Variants in NR2C1 observed in about 807,000 individuals in gnomAD.
NR2C1 encodes the protein nuclear receptor subfamily 2 group C member 1.
NR2C1 carries 33 observed loss-of-function variants against 74.8 expected under a neutral mutation model. The ratio of observed to expected loss-of-function variants is 0.44; its 90% CI spans 0.33 to 0.59. The LOEUF (loss-of-function observed/expected upper bound fraction) is 0.59. Ranked by LOEUF, NR2C1 falls within the 20% of genes least tolerant of loss-of-function variation. The pLI, the probability that NR2C1 is intolerant of heterozygous loss-of-function variation, is 0.02. For synonymous variants in NR2C1, 225 were observed against 240.6 expected (o/e 0.94, Z 0.60); for missense variants, 568 against 715.6 (o/e 0.79, Z 2.35).
intron 8 of NR2C1, among the ~76,000 whole-genome samples, chr12:95,051,507 T>G (rs962675092): frequency 6.6e-6 from 1 of 152,164 alleles, no homozygotes; most frequent in Non-Finnish European, 1.5e-5. Flanking sequence ...TTCTTTGTGG[T>G]GTAAAGATAT....
chr12:95,071,585 T>A (rs929429217), intron 1 of NR2C1, among the ~76,000 whole-genome samples: 2 of 152,162 alleles, frequency 1.3e-5, no homozygotes, highest in East Asian at 1.9e-4. Flanking sequence ...TAATTCCAGC[T>A]ACTCAACAGG....
chr12:95,029,421 AATT>A (rs1472861117), intron 11 of NR2C1, among the ~76,000 whole-genome samples: 1 of 152,120 alleles, frequency 6.6e-6, no homozygotes, highest in Non-Finnish European at 1.5e-5. Context: ...TTAAAAAATG[AATT>A]ATTTTCTCAT....
At chr12:95,040,687 A>T in intron 9 of NR2C1, 90 bp from the exon 10 acceptor site, 1 of 1,203,988 alleles carries the variant, frequency 8.3e-7, no homozygotes, top group Non-Finnish European at 1.2e-6. Context: ...GTAACACATC[A>T]AATGAGAGCT....
At chr12:95,024,492 TAAAAA>T (rs754193518) in intron 13 of NR2C1, among the ~76,000 whole-genome samples, 1 of 152,214 alleles carries the variant, frequency 6.6e-6, no homozygotes, top group Admixed American at 6.5e-5. Flanking sequence ...GTGGCTCTTA[TAAAAA>T]AAGAATTTTT....
chr12:95,025,288 T>G (rs780763659), intron 12 of NR2C1, 33 bp from the exon 13 acceptor site: 1 of 1,091,882 alleles, frequency 9.2e-7, no homozygotes, highest in South Asian at 1.3e-5. Context: ...GGTACCCTAG[T>G]TCTGAATGTT....
chr12:95,050,836 G>A (rs1444932720), intron 8 of NR2C1, among the ~76,000 whole-genome samples: 1 of 152,002 alleles, frequency 6.6e-6, no homozygotes, highest in Non-Finnish European at 1.5e-5. Flanking sequence ...ACAGAATTCT[G>A]ATACTACTTT....
At chr12:95,064,209 A>G (rs1318609927) in intron 2 of NR2C1, among the ~76,000 whole-genome samples, 1 of 151,382 alleles carries the variant, frequency 6.6e-6, no homozygotes, top group Admixed American at 6.6e-5. Context: ...TGTGCCTGTA[A>G]TCCGAGCTAT....
intron 11 of NR2C1, among the ~76,000 whole-genome samples, chr12:95,029,205 C>T (rs1357955048): frequency 6.6e-6 from 1 of 151,970 alleles, no homozygotes; most frequent in Non-Finnish European, 1.5e-5. Flanking sequence ...CCTCAGCCTC[C>T]TGAGTAGTTG....
Position 95,062,694 on chromosome 12 carries a change from T to C in NR2C1, c.99A>G (p.Thr33=). The change falls in exon 3 of 14, where the codon ACA becomes ACG. Residue 33 remains threonine (T), a synonymous_variant. Coordinates refer to ENST00000333003, the MANE Select transcript of NR2C1 (RefSeq NM_003297.4). The part of the protein sequence containing the change: ...QQTGQKIQIV[T]ALDHNTQGKQ... ...TGCCTTGGGTATTATGATCAAGTGC[T>C]GTCACAATCTGGATTTTCTGCCCAG... is the stretch of plus-strand genomic sequence containing the variant. 1 of 1,614,196 alleles carries C rather than the reference T, an allele frequency of 6.2e-7. No homozygotes were observed. Among genetic ancestry groups the C allele is most frequent in the Non-Finnish European group, 8.5e-7 (1 of 1,180,012 alleles).
intron 11 of NR2C1, chr12:95,030,599 T>C (rs778926641): frequency 3.7e-6 from 6 of 1,613,416 alleles, no homozygotes; most frequent in East Asian, 2.2e-5. Flanking sequence ...AGATCTATTT[T>C]TGATGACATT....
chr12:95,040,385 T>C, intron 10 of NR2C1, 91 bp downstream of exon 10: 1 of 1,281,702 alleles, frequency 7.8e-7, no homozygotes, highest in South Asian at 1.7e-5. Context: ...GTTTTTTCCT[T>C]TAATGCAAAT....
intron 10 of NR2C1, among the ~76,000 whole-genome samples, chr12:95,033,427 AAAAC>A (rs1419017482): frequency 5.9e-5 from 9 of 152,176 alleles, no homozygotes; most frequent in Admixed American, 2.6e-4. Flanking sequence ...GCAGAGAATT[AAAAC>A]AAACAAACAC....
chr12:95,024,580 A>G (rs1869129626), intron 13 of NR2C1, among the ~76,000 whole-genome samples: 1 of 152,298 alleles, frequency 6.6e-6, no homozygotes, highest in South Asian at 2.1e-4. Flanking sequence ...TTATAAAACA[A>G]TCTAATGGTA....
chr12:95,048,694 G>A (rs1280790926), intron 9 of NR2C1, among the ~76,000 whole-genome samples: 6 of 147,452 alleles, frequency 4.1e-5, no homozygotes, highest in Non-Finnish European at 8.9e-5. Context: ...GCGTGATCTC[G>A]GTTCACCATA....
chr12:95,023,437 A>G (rs995528351), intron 13 of NR2C1, among the ~76,000 whole-genome samples: 2 of 152,194 alleles, frequency 1.3e-5, no homozygotes, highest in East Asian at 1.9e-4. Flanking sequence ...AAAAATGGCA[A>G]TGTTTTGTGT....
intron 8 of NR2C1, among the ~76,000 whole-genome samples, chr12:95,049,947 G>A (rs2033088): frequency 0.073 from 11,099 of 151,982 alleles, 503 homozygotes; most frequent in East Asian, 0.15. Flanking sequence ...CTACATGTGC[G>A]CACCACCATG....
intron 8 of NR2C1, 64 bp from the exon 9 acceptor site, chr12:95,049,297 T>G: frequency 6.7e-7 from 1 of 1,500,564 alleles, no homozygotes; most frequent in African/African-American, 1.4e-5. Flanking sequence ...CAATTCTACA[T>G]AGGATTCTGG....
rs1868837668 is a variant in NR2C1 at position 95,022,160 on chromosome 12, G to A, written c.*69C>T. The A allele has an allele frequency of 7.1e-6, 9 of 1,260,768 alleles. No individual in the cohort carries two copies. Among genetic ancestry groups the A allele is most frequent in the Admixed American group, 2.8e-5 (1 of 35,584 alleles). 78.1% of individuals were successfully genotyped at this position (1,260,768 alleles called of 1,614,324 possible). A position where few individuals can be genotyped will look rare whatever the true frequency, so the allele number is the denominator to read the frequency against. ...AAAATTTCCAGATGCCTCAAAAGCA[G>A]TGAGTTCAATTTGGTGTCTTGTGTT... On this transcript the variant is annotated 3_prime_UTR_variant, in exon 14 of 14. Coordinates refer to ENST00000333003, the MANE Select transcript of NR2C1 (RefSeq NM_003297.4).
intron 12 of NR2C1, among the ~76,000 whole-genome samples, chr12:95,025,998 G>T (rs541236439): frequency 6.6e-6 from 1 of 151,750 alleles, no homozygotes; most frequent in East Asian, 1.9e-4. Context: ...ACAAGGTCAG[G>T]GGTTCAAGAC....
Sources: gnomAD v4.1 joint callset for allele counts (sites outside exome capture counted in the v4.1 genomes callset) on GRCh38, gnomAD v4.1.1 for gene constraint, MANE v1.5 for transcripts, NCBI Gene and HGNC (gene_info 2026-07-23, HGNC 2026-07-21) for gene names.